The following PDE3A variants were observed in gnomAD, a reference collection of about 807,000 sequenced individuals.
PDE3A encodes phosphodiesterase 3A.
Under a neutral mutation model 98.3 loss-of-function variants are expected in PDE3A, and 43 were observed. The ratio of observed to expected loss-of-function variants is 0.44; its 90% CI spans 0.34 to 0.56. PDE3A has a LOEUF of 0.56. Among genes scored for constraint, PDE3A ranks in the 20% least tolerant of loss-of-function variants. The pLI is 0.01. For missense variants in PDE3A, 1,427 were observed against 1,440.7 expected (o/e 0.99, Z 0.15); for synonymous variants, 663 against 567.9 (o/e 1.17, Z -2.38).
chr12:20,400,486 A>G (rs948878520), intron 1 of PDE3A, among the ~76,000 whole-genome samples: 1 of 139,390 alleles, frequency 7.2e-6, no homozygotes, highest in Non-Finnish European at 1.5e-5. Flanking sequence ...GGCTCACTGC[A>G]AGCTCCACCT....
intron 1 of PDE3A, among the ~76,000 whole-genome samples, chr12:20,400,047 C>T (rs577310046): frequency 6.6e-6 from 1 of 152,200 alleles, no homozygotes; most frequent in South Asian, 2.1e-4. Context: ...CTCCATTAGC[C>T]CTGTCGTGTT....
chr12:20,520,370 C>G (rs962839137), intron 1 of PDE3A, among the ~76,000 whole-genome samples: 1 of 152,140 alleles, frequency 6.6e-6, no homozygotes, highest in Non-Finnish European at 1.5e-5. Flanking sequence ...AATTATTTGA[C>G]TTGAATTTCC....
At chr12:20,561,988 A>G (rs557669746) in intron 2 of PDE3A, among the ~76,000 whole-genome samples, 22 of 152,236 alleles carry the variant, frequency 1.4e-4, no homozygotes, top group Middle Eastern at 3.4e-3. Flanking sequence ...TTAAAAGTAT[A>G]TAACTCTCAA....
At chr12:20,582,703 A>T (rs1054848712) in intron 2 of PDE3A, among the ~76,000 whole-genome samples, 3 of 152,050 alleles carry the variant, frequency 2.0e-5, no homozygotes, top group Non-Finnish European at 4.4e-5. Context: ...GAGACCATAG[A>T]CTTTTTTCAT....
At chr12:20,457,717 G>C (rs1945176202) in intron 1 of PDE3A, among the ~76,000 whole-genome samples, 1 of 151,578 alleles carries the variant, frequency 6.6e-6, no homozygotes, top group Non-Finnish European at 1.5e-5. Context: ...TTTCTTATCT[G>C]AGTTATTATA....
chr12:20,534,082 C>A (rs1941691440), intron 1 of PDE3A, among the ~76,000 whole-genome samples: 2 of 152,166 alleles, frequency 1.3e-5, no homozygotes, highest in African/African-American at 2.4e-5. Context: ...CCTGGTAAAA[C>A]CCTCTTCAAC....
intron 1 of PDE3A, among the ~76,000 whole-genome samples, chr12:20,500,642 A>T (rs1374327150): frequency 6.6e-6 from 1 of 152,026 alleles, no homozygotes; most frequent in Admixed American, 6.6e-5. Context: ...AAATCTGTAA[A>T]GTAGTAGTTT....
At chr12:20,627,409 C>G (rs1010421189) in intron 5 of PDE3A, among the ~76,000 whole-genome samples, 1 of 142,516 alleles carries the variant, frequency 7.0e-6, no homozygotes, top group Non-Finnish European at 1.5e-5. Flanking sequence ...ACGTTCCCTG[C>G]CCCTCTTTTT....
intron 1 of PDE3A, among the ~76,000 whole-genome samples, chr12:20,448,174 G>A (rs1229757759): frequency 1.3e-5 from 2 of 152,106 alleles, no homozygotes; most frequent in African/African-American, 4.8e-5. Context: ...GGTGGCTCAC[G>A]CCCGTAATCC....
chr12:20,478,474 C>A (rs1250946572), intron 1 of PDE3A, among the ~76,000 whole-genome samples: 1 of 152,186 alleles, frequency 6.6e-6, no homozygotes, highest in African/African-American at 2.4e-5. Flanking sequence ...ACACACCTGC[C>A]TTCAGTGAGC....
At chr12:20,444,733 A>G (rs989759893) in intron 1 of PDE3A, among the ~76,000 whole-genome samples, 2 of 152,210 alleles carry the variant, frequency 1.3e-5, no homozygotes, top group Non-Finnish European at 1.5e-5. Context: ...AGGAATGCAT[A>G]GGATGAAATA....
chr12:20,619,014 C>T (rs913204605), intron 4 of PDE3A, among the ~76,000 whole-genome samples: 2 of 152,012 alleles, frequency 1.3e-5, no homozygotes, highest in African/African-American at 2.4e-5. Flanking sequence ...AAAGCCTTTC[C>T]TAAGCTGTTC....
chr12:20,542,196 A>C (rs1941931649), intron 1 of PDE3A, among the ~76,000 whole-genome samples: 1 of 152,076 alleles, frequency 6.6e-6, no homozygotes, highest in South Asian at 2.1e-4. Context: ...AGACTTTAAA[A>C]ATTTTGTAAA....
Position 20,654,075 on chromosome 12 carries a change from A to G in PDE3A, c.3054A>G (p.Ser1018=). The G allele has an allele frequency of 6.2e-7, 1 of 1,614,168 alleles. No individual in the cohort carries two copies. Among genetic ancestry groups the G allele is most frequent in the Non-Finnish European group, 8.5e-7 (1 of 1,180,026 alleles). Residue 1018 remains serine (S), a synonymous_variant, in exon 15 of 16, where the codon TCA becomes TCG. Transcript: ENST00000359062. The part of the protein sequence containing the change: ...IVGPLCNSYD[S]AGLMPGKWVE... ...GGCCTCTGTGCAACTCCTATGATTC[A>G]GCAGGACTAATGCCTGGAAAATGGG...
chr12:20,598,997 C>A (rs1328975113), intron 2 of PDE3A, among the ~76,000 whole-genome samples: 2 of 152,180 alleles, frequency 1.3e-5, no homozygotes, highest in Non-Finnish European at 2.9e-5. Context: ...CATCTTTCGT[C>A]ATTCAGTTAC....
chr12:20,557,316 T>G (rs184985739), intron 2 of PDE3A: 34 of 152,666 alleles, frequency 2.2e-4, no homozygotes, highest in African/African-American at 7.7e-4. Context: ...AATGTGGATT[T>G]GTTTTGCTTT....
At chr12:20,423,626 G>A (rs764761809) in intron 1 of PDE3A, among the ~76,000 whole-genome samples, 71 of 152,232 alleles carry the variant, frequency 4.7e-4, no homozygotes, top group African/African-American at 1.5e-3. Context: ...ACTCTCATGC[G>A]TAAGATTTTA....
intron 2 of PDE3A, among the ~76,000 whole-genome samples, chr12:20,595,158 A>G (rs1943434821): frequency 6.6e-6 from 1 of 152,178 alleles, no homozygotes; most frequent in African/African-American, 2.4e-5. Context: ...CAATGTTATA[A>G]CGCACCTAGG....
At position 20,687,924 on chromosome 12, in the gene PDE3A, A is replaced by AAAC. The variant is rs1555114276; in HGVS notation, c.*7655_*7656insCAA. Among the ~76,000 whole-genome samples, 1 of 150,496 alleles carries AAAC rather than the reference A, an allele frequency of 6.6e-6. No individual in the cohort carries two copies. ...TACCTCTTCCCAACAGAAAAAAAAA[A>AAAC]AAAAAAAAAAAAACTGGCATTGGCA... On this transcript the variant is annotated 3_prime_UTR_variant, in exon 16 of 16. Coordinates refer to ENST00000359062, the MANE Select transcript of PDE3A (RefSeq NM_000921.5).
Sources: allele counts gnomAD v4.1 joint callset (sites outside exome capture counted in the v4.1 genomes callset), GRCh38; gene constraint gnomAD v4.1.1; transcripts MANE v1.5; gene names NCBI Gene and HGNC (gene_info 2026-07-23, HGNC 2026-07-21).